Variants in RSU1 observed in about 807,000 individuals in gnomAD.
RSU1 encodes the protein rsu-1.
RSU1 carries 26 observed loss-of-function variants against 31.1 expected under a neutral mutation model. That is an observed-to-expected ratio of 0.84 (90% CI 0.61 to 1.16). The LOEUF is 1.16. RSU1 is among the 50% of genes most tolerant of loss of function. The probability of loss-of-function intolerance (pLI) is 0.00; values close to 1 mark genes in which losing one functional copy is unlikely to be tolerated. For missense variants in RSU1, 320 were observed against 339.1 expected (o/e 0.94, Z 0.44); for synonymous variants, 164 against 136.3 (o/e 1.20, Z -1.41).
At chr10:16,768,653 T>C (rs1432627087) in intron 3 of RSU1, among the ~76,000 whole-genome samples, 3 of 152,198 alleles carry the variant, frequency 2.0e-5, no homozygotes, top group Admixed American at 2.0e-4. Flanking sequence ...AAGTTTCTTC[T>C]GGACTTTGCA....
At chr10:16,681,747 C>G (rs1370956939) in intron 8 of RSU1, among the ~76,000 whole-genome samples, 1 of 151,916 alleles carries the variant, frequency 6.6e-6, no homozygotes, top group African/African-American at 2.4e-5. Context: ...TAGAAGCCAC[C>G]TCTAAGATGA....
chr10:16,710,322 G>T (rs1018705982), intron 7 of RSU1, among the ~76,000 whole-genome samples: 1 of 152,116 alleles, frequency 6.6e-6, no homozygotes, highest in East Asian at 1.9e-4. Flanking sequence ...ACTTGCATAC[G>T]TTAAACTACC....
chr10:16,723,882 C>T (rs1836331541), intron 7 of RSU1, among the ~76,000 whole-genome samples: 1 of 152,192 alleles, frequency 6.6e-6, no homozygotes. Flanking sequence ...GTAATCCTCA[C>T]ATTATCAGTC....
At chr10:16,732,348 T>A (rs988753637) in intron 7 of RSU1, among the ~76,000 whole-genome samples, 1 of 152,196 alleles carries the variant, frequency 6.6e-6, no homozygotes, top group Non-Finnish European at 1.5e-5. Flanking sequence ...TAAGTGCTAA[T>A]GTGATGGTAT....
At chr10:16,652,392 C>CAAA (rs71505091) in intron 8 of RSU1, among the ~76,000 whole-genome samples, 2,729 of 88,962 alleles carry the variant, frequency 0.031, 99 homozygotes, top group East Asian at 0.061. Context: ...TGCCCCAAAG[C>CAAA]AAAAAAAAAA....
At chr10:16,663,636 C>T (rs1302260211) in intron 8 of RSU1, among the ~76,000 whole-genome samples, 1 of 152,164 alleles carries the variant, frequency 6.6e-6, no homozygotes, top group African/African-American at 2.4e-5. Flanking sequence ...ACTCGCCGCG[C>T]AGTACAACTA....
At chr10:16,808,507 CA>C (rs1375311172) in intron 2 of RSU1, among the ~76,000 whole-genome samples, 1 of 100,344 alleles carries the variant, frequency 1.0e-5, no homozygotes, top group Admixed American at 1.0e-4. Flanking sequence ...AAAAAAAAAA[CA>C]AAGTGAACTC....
chr10:16,638,477 C>A (rs1469569392), intron 8 of RSU1, among the ~76,000 whole-genome samples: 1 of 152,154 alleles, frequency 6.6e-6, no homozygotes. Flanking sequence ...TATAAACTAG[C>A]ACGGCATCTG....
At position 16,709,680 on chromosome 10, in the gene RSU1, T is replaced by C. The variant is rs371148408; in HGVS notation, c.599-14525A>G. On this transcript the variant is annotated intron_variant, in intron 7 of 8. Transcript: ENST00000345264. ...CTGTTGTTTCCTGACTTTTTAACGA[T>C]TGCCATTCTAACTGGTGTGAGATGG... Among the ~76,000 whole-genome samples the C allele has an allele frequency of 1.1e-4, 16 of 152,346 alleles. 1 individual carries two copies. In the East Asian group the frequency reaches 1.9e-3, roughly 18 times the overall value.
chr10:16,680,455 C>A (rs915967214), intron 8 of RSU1, among the ~76,000 whole-genome samples: 5 of 152,114 alleles, frequency 3.3e-5, no homozygotes, highest in Non-Finnish European at 5.9e-5. Flanking sequence ...GCAATTTATA[C>A]AGAAAAGAAG....
intron 7 of RSU1, among the ~76,000 whole-genome samples, chr10:16,742,886 A>G (rs1330116989): frequency 6.6e-6 from 1 of 152,242 alleles, no homozygotes; most frequent in African/African-American, 2.4e-5. Context: ...CAATTCACTT[A>G]GCATTTTAAA....
Position 16,800,743 on chromosome 10 carries a change from T to G in RSU1, c.109+16230A>C, listed in dbSNP as rs116820159. Among the ~76,000 whole-genome samples the G allele has an allele frequency of 8.9e-3, 1,350 of 152,326 alleles. 15 individuals carry two copies. The highest frequency in any genetic ancestry group is 0.03 in the African/African-American group (1,267 of 41,566). On this transcript the variant is annotated intron_variant, in intron 2 of 8. Transcript: ENST00000345264. Reference sequence around the variant, plus strand: ...CACTGGCTCTGAAGTGGCACAGTGTTATTTAAAAGTGAGTTAAGATTAATT... The same window carrying G: ...CACTGGCTCTGAAGTGGCACAGTGTGATTTAAAAGTGAGTTAAGATTAATT...
At chr10:16,792,524 C>T (rs961142955) in intron 2 of RSU1, among the ~76,000 whole-genome samples, 7 of 152,216 alleles carry the variant, frequency 4.6e-5, no homozygotes, top group African/African-American at 1.7e-4. Flanking sequence ...AGCCACTGCG[C>T]CCGGCCAGGG....
intron 8 of RSU1, among the ~76,000 whole-genome samples, chr10:16,676,458 T>C (rs1835234105): frequency 6.6e-6 from 1 of 152,152 alleles, no homozygotes; most frequent in African/African-American, 2.4e-5. Context: ...TATGATTCAA[T>C]TATCTCCCAC....
At chr10:16,732,707 T>C (rs1836539309) in intron 7 of RSU1, among the ~76,000 whole-genome samples, 1 of 152,246 alleles carries the variant, frequency 6.6e-6, no homozygotes, top group Admixed American at 6.5e-5. Flanking sequence ...GCTACATTTC[T>C]ACTGCAGTGA....
At chr10:16,794,590 T>TTAAG (rs898991670) in intron 2 of RSU1, among the ~76,000 whole-genome samples, 2 of 152,228 alleles carry the variant, frequency 1.3e-5, no homozygotes, top group African/African-American at 2.4e-5. Flanking sequence ...ATCAAACAAC[T>TTAAG]TAAGCTCCTC....
chr10:16,737,172 A>T (rs78671725), intron 7 of RSU1, among the ~76,000 whole-genome samples: 2,985 of 144,678 alleles, frequency 0.021, 105 homozygotes, highest in African/African-American at 0.073. Flanking sequence ...ATCAATCAAT[A>T]AAAAAAAAGG....
At chr10:16,702,335 A>G (rs10795418) in intron 7 of RSU1, among the ~76,000 whole-genome samples, 114,024 of 152,208 alleles carry the variant, frequency 0.75, 43,734 homozygotes, top group African/African-American at 0.91. Context: ...TCAGTGGAGG[A>G]CCACCAACCT....
chr10:16,757,780 T>C (rs1837129694), intron 4 of RSU1, among the ~76,000 whole-genome samples: 1 of 152,184 alleles, frequency 6.6e-6, no homozygotes. Context: ...GAATTGCAAG[T>C]CAAAGGAAGG....
Sources: allele counts gnomAD v4.1 joint callset (sites outside exome capture counted in the v4.1 genomes callset), GRCh38; gene constraint gnomAD v4.1.1; transcripts MANE v1.5; gene names NCBI Gene and HGNC (gene_info 2026-07-23, HGNC 2026-07-21).